Variants in PDCD6 observed in about 807,000 individuals in gnomAD.
PDCD6 encodes the protein programmed cell death protein 6.
In PDCD6, 12 loss-of-function variants were observed where a neutral mutation model predicts 28.3. The ratio of observed to expected loss-of-function variants is 0.42; its 90% confidence interval spans 0.27 to 0.69. The LOEUF is 0.69. Among genes scored for constraint, PDCD6 ranks in the 30% least tolerant of loss-of-function variants. PDCD6 has a pLI of 0.22. For synonymous variants in PDCD6, 92 were observed against 108.0 expected, an observed-to-expected ratio of 0.85 and a Z score of 0.92; for missense variants, 226 against 269.9, an observed-to-expected ratio of 0.84 and a Z score of 1.14.
At chr5:301,199 G>A (rs1452080482) in intron 2 of PDCD6, among the ~76,000 whole-genome samples, 2 of 152,176 alleles carry the variant, frequency 1.3e-5, no homozygotes, top group African/African-American at 2.4e-5. Flanking sequence ...AGGAGAAGAA[G>A]CTCATGGCAT....
In PDCD6 at chr5:311,273, T is replaced by C. The variant is rs1488841171; in HGVS notation, c.368-20T>C. 3 of 1,600,024 alleles carry C rather than the reference T, an allele frequency of 1.9e-6. No homozygotes were observed. The highest frequency in any genetic ancestry group is 1.7e-5 in the Admixed American group (1 of 59,964). On this transcript the variant is annotated intron_variant, in intron 4 of 5. Coordinates refer to ENST00000264933, the MANE Select transcript of PDCD6 (RefSeq NM_013232.4). Reference sequence around the variant, plus strand: ...CCCGTCTCTCCCAGCCTTCTCTGACTCTGACTTTCCCTCTTGAAGGCTACC... The same window carrying C: ...CCCGTCTCTCCCAGCCTTCTCTGACCCTGACTTTCCCTCTTGAAGGCTACC...
chr5:275,296 A>C (rs949703318), intron 2 of PDCD6, among the ~76,000 whole-genome samples: 1 of 152,176 alleles, frequency 6.6e-6, no homozygotes, highest in Non-Finnish European at 1.5e-5. Context: ...TGCTGGGGGC[A>C]TGTGGCCCCA....
chr5:304,224 A>T lies in PDCD6; in HGVS notation c.208+3A>T. On this transcript the variant is annotated splice_donor_region_variant and intron_variant, in intron 3 of 5. Transcript: ENST00000264933. ...AGTGACTGTCAGGTCGATCATATGTAAGTATCGGCAGACGGACCAACCTGG... is the reference window on the plus strand; with the variant it reads ...AGTGACTGTCAGGTCGATCATATGTTAGTATCGGCAGACGGACCAACCTGG... 1 of 1,561,352 alleles carries T rather than the reference A, an allele frequency of 6.4e-7. No individual in the cohort carries two copies. The highest frequency in any genetic ancestry group is 8.7e-7 in the Non-Finnish European group (1 of 1,152,414).
intron 5 of PDCD6, 49 bp from the exon 6 acceptor site, chr5:314,368 T>G: frequency 7.1e-7 from 1 of 1,400,044 alleles, no homozygotes; most frequent in South Asian, 1.2e-5. Context: ...CCAGTGCACC[T>G]TGCTCCTTCC....
At chr5:311,634 C>T (rs1335261707) in intron 5 of PDCD6, 44 of 514,272 alleles carry the variant, frequency 8.6e-5, no homozygotes, top group South Asian at 8.2e-4. Context: ...CGTGGTTTTT[C>T]AGTATCCGGT....
At chr5:291,275 A>G (rs917539916) in intron 2 of PDCD6, among the ~76,000 whole-genome samples, 3 of 152,042 alleles carry the variant, frequency 2.0e-5, no homozygotes, top group Non-Finnish European at 2.9e-5. Context: ...CCTCGGCTGT[A>G]GTTTTGAACT....
chr5:288,354 G>A (rs1739114751), intron 2 of PDCD6, among the ~76,000 whole-genome samples: 1 of 147,638 alleles, frequency 6.8e-6, no homozygotes, highest in East Asian at 2.0e-4. Context: ...GTACGTAGCC[G>A]GACAATAAAA....
At chr5:293,933 G>C (rs1361684049) in intron 2 of PDCD6, among the ~76,000 whole-genome samples, 49 of 84,682 alleles carry the variant, frequency 5.8e-4, no homozygotes, top group African/African-American at 3.5e-3. Flanking sequence ...ACGGAGAAAG[G>C]TATGACAGGA....
intron 2 of PDCD6, among the ~76,000 whole-genome samples, chr5:292,527 G>A (rs1006481164): frequency 2.6e-5 from 4 of 152,190 alleles, no homozygotes; most frequent in African/African-American, 9.7e-5. Context: ...CCAAAGTGCT[G>A]GGATTACAGG....
rs372111264 is a variant in PDCD6 at position 306,627 on chromosome 5, C to T, written c.234C>T (p.Ala78=). 20 of 1,613,770 alleles carry T rather than the reference C, an allele frequency of 1.2e-5. No individual in the cohort carries two copies. The highest frequency in any genetic ancestry group is 2.2e-5 in the East Asian group (1 of 44,894). The change falls in exon 4 of 6, where the codon GCC becomes GCT. Residue 78 remains alanine (A), a synonymous_variant. Coordinates refer to ENST00000264933, the MANE Select transcript of PDCD6 (RefSeq NM_013232.4). The part of the protein sequence containing the change: ...IISMFDRENK[A]GVNFSEFTGV... ...CCATGTTTGACCGTGAGAACAAGGC[C>T]GGCGTGAACTTCAGCGAGTTCACGG...
chr5:310,415 G>A (rs7721278), intron 4 of PDCD6: 28,444 of 152,396 alleles, frequency 0.19, 5,992 homozygotes, highest in African/African-American at 0.52. Context: ...AGGTGCACAC[G>A]TCCCTGCAGA....
intron 2 of PDCD6, among the ~76,000 whole-genome samples, chr5:297,421 C>T (rs537946739): frequency 6.6e-6 from 1 of 152,282 alleles, no homozygotes; most frequent in Admixed American, 6.5e-5. Context: ...GCCATGTAGG[C>T]GATAGATTTG....
chr5:288,650 A>G (rs1739133345), intron 2 of PDCD6, among the ~76,000 whole-genome samples: 1 of 152,160 alleles, frequency 6.6e-6, no homozygotes, highest in Non-Finnish European at 1.5e-5. Context: ...AACAGGACCC[A>G]GAGGAGCTGA....
intron 2 of PDCD6, among the ~76,000 whole-genome samples, chr5:285,425 T>TG (rs1312229642): frequency 7.5e-6 from 1 of 132,790 alleles, no homozygotes; most frequent in Non-Finnish European, 1.6e-5. Flanking sequence ...GGAGACCTGA[T>TG]GGGAGCCGAT....
At chr5:311,625 G>A (rs1311780872) in intron 5 of PDCD6, 6 of 524,820 alleles carry the variant, frequency 1.1e-5, no homozygotes, top group Non-Finnish European at 1.7e-5. Flanking sequence ...TCTGCAAGAC[G>A]TGGTTTTTCA....
intron 2 of PDCD6, among the ~76,000 whole-genome samples, chr5:300,991 G>A (rs1040869101): frequency 6.6e-6 from 1 of 152,200 alleles, no homozygotes; most frequent in Non-Finnish European, 1.5e-5. Context: ...CTGTGCCTGC[G>A]CTGCGGCGTT....
chr5:288,561 A>T lies in PDCD6; in HGVS notation c.164-15616A>T, dbSNP rs575005189. ...AGTTTAAAAACTTTAATCCTAAATT[A>T]AAAAAAAAAAATCTATACACAAACC... On this transcript the variant is annotated intron_variant, in intron 2 of 5. Coordinates refer to ENST00000264933, the MANE Select transcript of PDCD6 (RefSeq NM_013232.4). 1.9e-3 allele frequency among the ~76,000 whole-genome samples: 273 copies of T among 143,322 alleles called. 2 individuals carry two copies. Among genetic ancestry groups the T allele is most frequent in the Middle Eastern group, 0.011 (3 of 280 alleles). The allele number at this position is 143,322 out of a possible 152,430, so 94.0% of individuals were successfully genotyped here.
intron 5 of PDCD6, 94 bp from the exon 6 acceptor site, chr5:314,323 G>A: frequency 1.2e-6 from 1 of 831,614 alleles, no homozygotes; most frequent in Non-Finnish European, 2.0e-6. Flanking sequence ...GAAGACGTGT[G>A]TGCTTCTGAA....
chr5:292,001 C>T (rs1739342317), intron 2 of PDCD6, among the ~76,000 whole-genome samples: 1 of 152,322 alleles, frequency 6.6e-6, no homozygotes, highest in African/African-American at 2.4e-5. Context: ...CAAAAATAGA[C>T]TTCACAACCG....
Sources: gnomAD v4.1 joint callset for allele counts (sites outside exome capture counted in the v4.1 genomes callset) on GRCh38, gnomAD v4.1.1 for gene constraint, MANE v1.5 for transcripts, NCBI Gene and HGNC (gene_info 2026-07-23, HGNC 2026-07-21) for gene names.